KLHL29: variants seen among roughly 807,000 people sequenced by gnomAD.
KLHL29 encodes kelch like family member 29.
A neutral mutation model predicts 80.4 loss-of-function variants in KLHL29; 21 were observed. The ratio of observed to expected loss-of-function variants is 0.26; its 90% CI spans 0.19 to 0.38. KLHL29 has a LOEUF of 0.38. Among genes scored for constraint, KLHL29 ranks in the 10% least tolerant of loss-of-function variants. The probability of loss-of-function intolerance (pLI) is 1.00; values close to 1 mark genes in which losing one functional copy is unlikely to be tolerated. For missense variants in KLHL29, 867 were observed against 1,223.9 expected, an observed-to-expected ratio of 0.71 and a Z score of 4.35; for synonymous variants, 511 against 526.8, an observed-to-expected ratio of 0.97 and a Z score of 0.41.
chr2:23,429,348 G>A (rs756299197), intron 1 of KLHL29, among the ~76,000 whole-genome samples: 2 of 152,224 alleles, frequency 1.3e-5, no homozygotes, highest in Admixed American at 6.5e-5. Context: ...GCTCCTCAGC[G>A]TGTAAACCAC....
At chr2:23,491,016 A>G (rs1665084872) in intron 2 of KLHL29, among the ~76,000 whole-genome samples, 1 of 152,038 alleles carries the variant, frequency 6.6e-6, no homozygotes, top group South Asian at 2.1e-4. Context: ...GGTTTGTTAC[A>G]CAGGTATACA....
chr2:23,703,573 C>T lies in KLHL29; in HGVS notation c.2300-146C>T, dbSNP rs569593976. 6.1e-6 allele frequency: 7 copies of T among 1,142,456 alleles called. No homozygotes were observed. The South Asian group carries it at 6.6e-5, about 11-fold the overall frequency. 70.8% of individuals were successfully genotyped at this position (1,142,456 alleles called of 1,614,324 possible). ...CAAGTGAGTCAAGGCTCCAGGTTCC[C>T]CTAGGCCCCGGACCCATCCCCAGGC... On this transcript the variant is annotated intron_variant, in intron 12 of 13. Coordinates refer to ENST00000486442, the MANE Select transcript of KLHL29 (RefSeq NM_052920.2).
At chr2:23,438,934 G>T (rs188051165) in intron 1 of KLHL29, among the ~76,000 whole-genome samples, 54,375 of 133,356 alleles carry the variant, frequency 0.41, 12,124 homozygotes, top group African/African-American at 0.56. Flanking sequence ...TGAATCCATC[G>T]GGTCCTGGAC....
At chr2:23,464,813 G>A (rs1304892611) in intron 1 of KLHL29, among the ~76,000 whole-genome samples, 1 of 152,126 alleles carries the variant, frequency 6.6e-6, no homozygotes, top group East Asian at 1.9e-4. Flanking sequence ...GTTGATGGGT[G>A]TAATTTATTT....
Position 23,531,875 on chromosome 2 carries a change from C to T in KLHL29, c.-45-30277C>T, listed in dbSNP as rs907150453. 4.6e-5 allele frequency among the ~76,000 whole-genome samples: 7 copies of T among 152,350 alleles called. No individual in the cohort carries two copies. In the East Asian group the frequency reaches 1.2e-3, roughly 25 times the overall value. On this transcript the variant is annotated intron_variant, in intron 2 of 13. Coordinates refer to ENST00000486442, the MANE Select transcript of KLHL29 (RefSeq NM_052920.2). ...ACTGCACTATACTATTTGCTTTCCA[C>T]GTCTGTGCCCTGGATACTTTCTCAC...
At chr2:23,445,579 T>A (rs927101973) in intron 1 of KLHL29, among the ~76,000 whole-genome samples, 3 of 152,230 alleles carry the variant, frequency 2.0e-5, no homozygotes, top group African/African-American at 7.2e-5. Flanking sequence ...CAATGAGTAA[T>A]CTCTAGTGCA....
intron 1 of KLHL29, among the ~76,000 whole-genome samples, chr2:23,387,556 G>T (rs1666218033): frequency 6.7e-6 from 1 of 150,176 alleles, no homozygotes; most frequent in Non-Finnish European, 1.5e-5. Context: ...ATGGAAAGAA[G>T]GTATAGAGCT....
At chr2:23,520,994 C>G (rs1572374195) in intron 2 of KLHL29, among the ~76,000 whole-genome samples, 1 of 63,930 alleles carries the variant, frequency 1.6e-5, no homozygotes, top group Non-Finnish European at 4.5e-5. Context: ...CAAAGACCAC[C>G]CCCCCCCCCG....
At chr2:23,536,765 T>C (rs1461781289) in intron 2 of KLHL29, among the ~76,000 whole-genome samples, 3 of 152,212 alleles carry the variant, frequency 2.0e-5, no homozygotes, top group Non-Finnish European at 4.4e-5. Flanking sequence ...AAAGAAGCTC[T>C]GTACTGTTTA....
At chr2:23,401,192 A>G (rs1344707573) in intron 1 of KLHL29, among the ~76,000 whole-genome samples, 1 of 152,234 alleles carries the variant, frequency 6.6e-6, no homozygotes, top group African/African-American at 2.4e-5. Flanking sequence ...GCTCTACAGT[A>G]GAGACCTGTG....
At chr2:23,444,678 A>G (rs1401895434) in intron 1 of KLHL29, among the ~76,000 whole-genome samples, 1 of 152,194 alleles carries the variant, frequency 6.6e-6, no homozygotes, top group Non-Finnish European at 1.5e-5. Flanking sequence ...GTTTGTGTAT[A>G]ATACATATAT....
rs1356943609 is a variant in KLHL29 at position 23,703,918 on chromosome 2, G to A, written c.2444+55G>A. 6.7e-6 allele frequency: 10 copies of A among 1,486,138 alleles called. No homozygotes were observed. The Admixed American group carries it at 8.8e-5, about 13-fold the overall frequency. 92.1% of individuals were successfully genotyped at this position (1,486,138 alleles called of 1,614,324 possible). ...TGGGACGGAGGAGTGGGAGGAGGAG[G>A]GGTGTGACCACAATGATTTCCTGCC... On this transcript the variant is annotated intron_variant, in intron 13 of 13. Transcript: ENST00000486442.
chr2:23,609,740 C>T (rs1668811939), intron 3 of KLHL29, among the ~76,000 whole-genome samples: 4 of 152,054 alleles, frequency 2.6e-5, no homozygotes, highest in African/African-American at 7.2e-5. Context: ...AAGCACTTTG[C>T]GTGTTTATTT....
chr2:23,585,573 G>C (rs141245503), intron 3 of KLHL29, among the ~76,000 whole-genome samples: 1 of 152,242 alleles, frequency 6.6e-6, no homozygotes, highest in East Asian at 1.9e-4. Context: ...CCAAGGGAAG[G>C]ATCTGGTTTT....
At chr2:23,389,085 A>G (rs1040068394) in intron 1 of KLHL29, among the ~76,000 whole-genome samples, 7 of 146,424 alleles carry the variant, frequency 4.8e-5, no homozygotes, top group African/African-American at 1.8e-4. Context: ...CTTCGAGACT[A>G]TATTAGAGCA....
intron 6 of KLHL29, among the ~76,000 whole-genome samples, chr2:23,687,637 G>T (rs1475416423): frequency 6.6e-6 from 1 of 152,234 alleles, no homozygotes; most frequent in East Asian, 1.9e-4. Context: ...TGGTCCAAGG[G>T]CCTGGCTGTG....
intron 2 of KLHL29, among the ~76,000 whole-genome samples, chr2:23,509,595 CT>C (rs1665710248): frequency 6.6e-6 from 1 of 152,128 alleles, no homozygotes; most frequent in African/African-American, 2.4e-5. Flanking sequence ...CAAAAACAGT[CT>C]TATATCTGTG....
rs148017930 is a variant in KLHL29 at position 23,489,085 on chromosome 2, A to G, written c.-46+13418A>G. ...GAAGGGAGGGGTAGTTTCCAACCCCAGCAATAAAGGAATGAGAGAAACTGG... is the reference window on the plus strand; with the variant it reads ...GAAGGGAGGGGTAGTTTCCAACCCCGGCAATAAAGGAATGAGAGAAACTGG... On this transcript the variant is annotated intron_variant, in intron 2 of 13. Transcript: ENST00000486442. Among the ~76,000 whole-genome samples the G allele has an allele frequency of 1.6e-3, 237 of 152,310 alleles. 1 individual carries two copies. Among genetic ancestry groups the G allele is most frequent in the African/African-American group, 5.5e-3 (227 of 41,560 alleles).
In KLHL29 at chr2:23,693,495, G is replaced by C; in HGVS notation, c.1509G>C (p.Lys503Asn). ...AEELVYETVI[K>N]WIKKDPATRT... Reference sequence around the variant, plus strand: ...AGCTGGTGTACGAGACAGTCATCAAGTGGATCAAGAAGGACCCCGCGACAC... The same window carrying C: ...AGCTGGTGTACGAGACAGTCATCAACTGGATCAAGAAGGACCCCGCGACAC... Residue 503 changes from lysine to asparagine, a missense_variant, in exon 8 of 14, where the codon AAG becomes AAC. By Grantham distance (94) the Lys-to-Asn change is moderately conservative. Transcript: ENST00000486442. The C allele has an allele frequency of 6.4e-7, 1 of 1,551,602 alleles. No homozygotes were observed. Among genetic ancestry groups the C allele is most frequent in the Non-Finnish European group, 8.7e-7 (1 of 1,146,890 alleles).
Sources: allele counts gnomAD v4.1 joint callset (sites outside exome capture counted in the v4.1 genomes callset), GRCh38; gene constraint gnomAD v4.1.1; transcripts MANE v1.5; gene names NCBI Gene and HGNC (gene_info 2026-07-23, HGNC 2026-07-21).